DENND11: variants seen among roughly 807,000 people sequenced by gnomAD.
DENND11 encodes DENN domain containing 11.
Under a neutral mutation model 49.2 loss-of-function variants are expected in DENND11, and 34 were observed. The observed-to-expected ratio is 0.69, with a 90% CI of 0.53 to 0.92. The LOEUF (loss-of-function observed/expected upper bound fraction) is 0.92. Ranked by LOEUF, DENND11 falls within the 40% of genes least tolerant of loss-of-function variation. The pLI, the probability that DENND11 is intolerant of heterozygous loss-of-function variation, is 0.00. For missense variants in DENND11, 475 were observed against 581.6 expected (o/e 0.82, Z 1.88); for synonymous variants, 238 against 230.3 (o/e 1.03, Z -0.30).
rs547276070 is a variant in DENND11 at position 141,680,745 on chromosome 7, T to C, written c.527+4733A>G. 3.3e-5 allele frequency among the ~76,000 whole-genome samples: 5 copies of C among 151,888 alleles called. No individual in the cohort carries two copies. In the East Asian group the frequency reaches 9.9e-4, roughly 30 times the overall value. The stretch of plus-strand genomic sequence containing the variant: ...TACATGCTAGAAAATGACAATGTAA[T>C]GGGGAGACAGCTTCTACCATGTGGA... On this transcript the variant is annotated intron_variant, in intron 3 of 8. Transcript: ENST00000536163.
chr7:141,669,760 T>G (rs990656637), intron 4 of DENND11, among the ~76,000 whole-genome samples: 2 of 151,786 alleles, frequency 1.3e-5, no homozygotes, highest in African/African-American at 4.8e-5. Context: ...CTGACAGATA[T>G]ATTACATTAT....
rs766302675 is a variant in DENND11 at position 141,662,632 on chromosome 7, G to A, written c.*24C>T. On this transcript the variant is annotated 3_prime_UTR_variant, in exon 9 of 9. Coordinates refer to ENST00000536163, the MANE Select transcript of DENND11 (RefSeq NM_001080392.2). Reference sequence around the variant, plus strand: ...GGGCTGCTGACATCCCACGTGAAGTGGCTCCCAGTCCTGTTGGCTCCTCCT... The same window carrying A: ...GGGCTGCTGACATCCCACGTGAAGTAGCTCCCAGTCCTGTTGGCTCCTCCT... 17 of 1,505,004 alleles carry A rather than the reference G, an allele frequency of 1.1e-5. No homozygotes were observed. The highest frequency in any genetic ancestry group is 4.1e-5 in the South Asian group (3 of 73,430). The allele number at this position is 1,505,004 out of a possible 1,614,324, so 93.2% of individuals were successfully genotyped here.
intron 1 of DENND11, among the ~76,000 whole-genome samples, chr7:141,700,874 G>C (rs936549301): frequency 6.6e-6 from 1 of 151,858 alleles, no homozygotes; most frequent in Non-Finnish European, 1.5e-5. Context: ...CCTCATCCCA[G>C]AAAGCAGCCA....
chr7:141,664,236 T>A lies in DENND11; in HGVS notation c.1108A>T (p.Met370Leu). ...TCTACTTCCTGGGAGTACAACAGCA[T>A]CTGCCTGTTGGGAAGATCACCGTGA... is the stretch of plus-strand genomic sequence containing the variant. Reference protein sequence around the residue: ...KYRRLNEQRQMLLYSQEVEED... With the variant: ...KYRRLNEQRQLLLYSQEVEED... Residue 370 changes from methionine to leucine, a missense_variant, in exon 8 of 9, where the codon ATG (methionine) becomes TTG (leucine). Transcript: ENST00000536163. The A allele has an allele frequency of 6.3e-7, 1 of 1,581,704 alleles. No individual in the cohort carries two copies. Among genetic ancestry groups the A allele is most frequent in the Non-Finnish European group, 8.6e-7 (1 of 1,161,914 alleles).
intron 1 of DENND11, among the ~76,000 whole-genome samples, chr7:141,687,631 A>ACTTTTTTTTTTTTTT (rs1554410465): frequency 1.8e-5 from 2 of 112,824 alleles, no homozygotes; most frequent in African/African-American, 6.6e-5. Flanking sequence ...CACTCGGCTA[A>ACTTTTTTTTTTTTTT]TTTTTTTTTT....
chr7:141,684,884 C>A (rs78137436), intron 3 of DENND11, among the ~76,000 whole-genome samples: 299 of 151,284 alleles, frequency 2.0e-3, no homozygotes, highest in African/African-American at 6.6e-3. Context: ...GTTAAAAATT[C>A]TCTTCCTATG....
intron 1 of DENND11, among the ~76,000 whole-genome samples, chr7:141,696,153 A>G (rs1196487013): frequency 1.3e-5 from 2 of 152,160 alleles, no homozygotes; most frequent in African/African-American, 4.8e-5. Context: ...CACAGCTCCA[A>G]AGGTCAGCCT....
At chr7:141,679,724 A>AT (rs1798119821) in intron 3 of DENND11, among the ~76,000 whole-genome samples, 1 of 151,418 alleles carries the variant, frequency 6.6e-6, no homozygotes. Context: ...AAAAAAAAAA[A>AT]GTAAAAGAAA....
At chr7:141,667,440 C>T (rs370617954) in intron 4 of DENND11, among the ~76,000 whole-genome samples, 1 of 152,164 alleles carries the variant, frequency 6.6e-6, no homozygotes, top group African/African-American at 2.4e-5. Context: ...TCACCTACCT[C>T]GTAGGGTTAC....
At chr7:141,684,163 C>T (rs1798193100) in intron 3 of DENND11, among the ~76,000 whole-genome samples, 1 of 152,174 alleles carries the variant, frequency 6.6e-6, no homozygotes, top group South Asian at 2.1e-4. Flanking sequence ...CTGGCTTCAA[C>T]TGATCCTCCT....
intron 3 of DENND11, among the ~76,000 whole-genome samples, chr7:141,685,035 T>C (rs201292133): frequency 9.4e-6 from 1 of 106,530 alleles, no homozygotes; most frequent in Admixed American, 1.0e-4. Flanking sequence ...AAAAAATATA[T>C]ATATATATAT....
At position 141,663,150 on chromosome 7, in the gene DENND11, A is replaced by C. The variant is rs907455952; in HGVS notation, c.1173-299T>G. ...GACCTGGGTTTAAACACAGCCTGAGAAGAGGCCCCCAAACACTGCTTTTCT... is the reference window on the plus strand; with the variant it reads ...GACCTGGGTTTAAACACAGCCTGAGCAGAGGCCCCCAAACACTGCTTTTCT... On this transcript the variant is annotated intron_variant, in intron 8 of 8. Coordinates refer to ENST00000536163, the MANE Select transcript of DENND11 (RefSeq NM_001080392.2). 54 of 285,838 alleles carry C rather than the reference A, an allele frequency of 1.9e-4. No individual in the cohort carries two copies. The Middle Eastern group carries it at 2.8e-3, about 15-fold the overall frequency. 17.7% of individuals were successfully genotyped at this position (285,838 alleles called of 1,614,324 possible).
At position 141,657,910 on chromosome 7, in the gene DENND11, G is replaced by T. The variant is rs910551955; in HGVS notation, c.*4746C>A. The T allele has an allele frequency of 2.0e-5, 3 of 152,506 alleles. No homozygotes were observed. Among genetic ancestry groups the T allele is most frequent in the Non-Finnish European group, 2.9e-5 (2 of 68,028 alleles). The allele number at this position is 152,506 out of a possible 1,614,324, so 9.4% of individuals were successfully genotyped here. On this transcript the variant is annotated 3_prime_UTR_variant, in exon 9 of 9. Coordinates refer to ENST00000536163, the MANE Select transcript of DENND11 (RefSeq NM_001080392.2). ...CACTCCCACCTCTCTCAAGAAAGAG[G>T]CCTAAAAATAAGAATGATGACATTT... is the stretch of plus-strand genomic sequence containing the variant.
At chr7:141,671,028 A>C (rs1484615348) in intron 4 of DENND11, among the ~76,000 whole-genome samples, 2 of 152,194 alleles carry the variant, frequency 1.3e-5, no homozygotes, top group Admixed American at 1.3e-4. Flanking sequence ...TGATCCTTCC[A>C]TGTCACCTTC....
chr7:141,692,582 C>T, intron 1 of DENND11, among the ~76,000 whole-genome samples: 1 of 152,012 alleles, frequency 6.6e-6, no homozygotes, highest in Admixed American at 6.6e-5. Flanking sequence ...ACATGCAAAG[C>T]AATGAAACTA....
chr7:141,688,559 AT>A (rs1445949420), intron 1 of DENND11, among the ~76,000 whole-genome samples: 3 of 152,240 alleles, frequency 2.0e-5, no homozygotes, highest in Admixed American at 2.0e-4. Flanking sequence ...GAACAATGTT[AT>A]GTTTGTCAGG....
At chr7:141,663,157 C>A in intron 8 of DENND11, 1 of 276,094 alleles carries the variant, frequency 3.6e-6, no homozygotes, top group Non-Finnish European at 6.7e-6. Flanking sequence ...GAGAAGAGGC[C>A]CCCAAACACT....
Position 141,696,604 on chromosome 7 carries a change from T to C in DENND11, c.268+5282A>G, listed in dbSNP as rs889004908. Among the ~76,000 whole-genome samples, 4 of 152,156 alleles carry C rather than the reference T, an allele frequency of 2.6e-5. No individual in the cohort carries two copies. The East Asian group carries it at 7.7e-4, about 29-fold the overall frequency. ...TGGAACTCCCACCCCAGCACGTGCC[T>C]GAGGTTTTACTCTTTCCACGGTTCT... On this transcript the variant is annotated intron_variant, in intron 1 of 8. Transcript: ENST00000536163.
chr7:141,701,256 C>T (rs1798507737), intron 1 of DENND11, among the ~76,000 whole-genome samples: 1 of 152,032 alleles, frequency 6.6e-6, no homozygotes, highest in Non-Finnish European at 1.5e-5. Context: ...TCCCTCAGCC[C>T]CATCCCTTAA....
Sources: gnomAD v4.1 joint callset for allele counts (sites outside exome capture counted in the v4.1 genomes callset) on GRCh38, gnomAD v4.1.1 for gene constraint, MANE v1.5 for transcripts, NCBI Gene and HGNC (gene_info 2026-07-23, HGNC 2026-07-21) for gene names.